Variants in ACTR3C observed in about 807,000 individuals in gnomAD.
ACTR3C encodes the protein actin-related protein 3C.
A neutral mutation model predicts 26.3 loss-of-function variants in ACTR3C; 18 were observed. That is an observed-to-expected ratio of 0.68 (90% CI 0.47 to 1.01). The LOEUF is 1.01. Among genes scored for constraint, ACTR3C ranks in the 50% least tolerant of loss-of-function variants. The probability of loss-of-function intolerance (pLI) is 0.00; values close to 1 mark genes in which losing one functional copy is unlikely to be tolerated. For missense variants in ACTR3C, 184 were observed against 250.7 expected (o/e 0.73, Z 1.80); for synonymous variants, 55 against 94.5 (o/e 0.58, Z 2.42).
the ACTR3C span, among the ~76,000 whole-genome samples, chr7:150,023,312 T>TACATACAC: frequency 6.5e-5 from 1 of 15,272 alleles, no homozygotes; most frequent in Non-Finnish European, 2.1e-4. Context: ...GATAGATAGA[T>TACATACAC]AGATACATAC....
At chr7:149,888,239 T>C in the ACTR3C span, among the ~76,000 whole-genome samples, 1 of 152,248 alleles carries the variant, frequency 6.6e-6, no homozygotes, top group Admixed American at 6.5e-5. Flanking sequence ...GACCCCTGTG[T>C]TACTTCCAGA....
At chr7:149,988,597 T>A in the ACTR3C span, among the ~76,000 whole-genome samples, 1 of 152,190 alleles carries the variant, frequency 6.6e-6, no homozygotes, top group South Asian at 2.1e-4. Flanking sequence ...GTTGGGCCAC[T>A]TAGCAAATTG....
the ACTR3C span, among the ~76,000 whole-genome samples, chr7:149,960,019 C>CTTGGA: frequency 1.3e-5 from 2 of 151,416 alleles, no homozygotes; most frequent in Non-Finnish European, 2.9e-5. Flanking sequence ...CAATATGGCA[C>CTTGGA]TTGCAGCCAT....
the ACTR3C span, among the ~76,000 whole-genome samples, chr7:150,033,451 C>A: frequency 6.6e-6 from 1 of 152,234 alleles, no homozygotes; most frequent in East Asian, 1.9e-4. Flanking sequence ...GACTCTCATG[C>A]ACCTGCCGTC....
the ACTR3C span, among the ~76,000 whole-genome samples, chr7:149,972,890 G>A: frequency 8.7e-4 from 127 of 146,550 alleles, no homozygotes; most frequent in African/African-American, 3.1e-3. Flanking sequence ...CCCCGTGCGT[G>A]GGCGGCATGT....
At chr7:149,975,043 C>T in the ACTR3C span, among the ~76,000 whole-genome samples, 3 of 152,116 alleles carry the variant, frequency 2.0e-5, no homozygotes, top group Non-Finnish European at 4.4e-5. Flanking sequence ...ACATTAGAAG[C>T]GAGGTATATT....
chr7:150,046,781 C>T, the ACTR3C span, among the ~76,000 whole-genome samples: 2 of 144,724 alleles, frequency 1.4e-5, no homozygotes, highest in African/African-American at 5.2e-5. Flanking sequence ...ATCTAAGGTC[C>T]GGCTCCTGTC....
chr7:150,046,099 C>A, the ACTR3C span, among the ~76,000 whole-genome samples: 28 of 152,166 alleles, frequency 1.8e-4, no homozygotes, highest in Admixed American at 1.8e-3. Flanking sequence ...ACTATTGAAC[C>A]AGGGGAGTCT....
intron 1 of ACTR3C, among the ~76,000 whole-genome samples, chr7:150,318,594 T>C (rs571658930): frequency 6.6e-6 from 1 of 152,320 alleles, no homozygotes; most frequent in African/African-American, 2.4e-5. Context: ...AAATCCCATC[T>C]GTACTAAAAA....
the ACTR3C span, among the ~76,000 whole-genome samples, chr7:149,903,981 C>T: frequency 8.9e-5 from 10 of 112,172 alleles, no homozygotes; most frequent in African/African-American, 2.3e-4. Flanking sequence ...AGTGCGGTGA[C>T]GCAATCTCAG....
At chr7:150,041,673 G>T in the ACTR3C span, among the ~76,000 whole-genome samples, 5 of 141,594 alleles carry the variant, frequency 3.5e-5, no homozygotes, top group East Asian at 2.3e-4. Flanking sequence ...ACAGCCGGGG[G>T]TGGAAGAGGG....
the ACTR3C span, among the ~76,000 whole-genome samples, chr7:150,128,422 C>T: frequency 2.0e-5 from 3 of 152,088 alleles, no homozygotes; most frequent in South Asian, 2.1e-4. Context: ...AATAGGTTCA[C>T]GTTAGTTTCC....
At chr7:150,093,358 T>G in the ACTR3C span, among the ~76,000 whole-genome samples, 1 of 151,280 alleles carries the variant, frequency 6.6e-6, no homozygotes, top group Non-Finnish European at 1.5e-5. Flanking sequence ...AAAAATTAAT[T>G]CACTTTAAAA....
chr7:150,163,085 C>T, the ACTR3C span, among the ~76,000 whole-genome samples: 9 of 150,756 alleles, frequency 6.0e-5, no homozygotes, highest in South Asian at 2.1e-4. Flanking sequence ...AATAGGGAGG[C>T]GGAGGTTGCA....
chr7:150,301,547 A>C (rs1201723957), intron 1 of ACTR3C, among the ~76,000 whole-genome samples: 3 of 152,206 alleles, frequency 2.0e-5, no homozygotes, highest in Admixed American at 6.5e-5. Context: ...AAATGAAATA[A>C]CCAAAAGAGA....
At chr7:150,245,575 C>G (rs1300082648), downstream of ACTR3C, 1 of 152,246 alleles carries the variant, frequency 6.6e-6, no homozygotes, top group East Asian at 1.9e-4. Flanking sequence ...TGGCTCTATC[C>G]AACTGCAGGA....
At chr7:150,258,227 C>T (rs2129609801) in intron 6 of ACTR3C, among the ~76,000 whole-genome samples, 1 of 149,244 alleles carries the variant, frequency 6.7e-6, no homozygotes, top group South Asian at 2.3e-4. Context: ...TCAGAATCCA[C>T]TGGCATTATT....
At chr7:150,302,781 A>G (rs1795529139) in intron 1 of ACTR3C, 1 of 151,982 alleles carries the variant, frequency 6.6e-6, no homozygotes, top group South Asian at 2.1e-4. Context: ...GGGCAAGATC[A>G]CACAAACTCC....
the ACTR3C span, among the ~76,000 whole-genome samples, chr7:149,993,033 CA>C: frequency 6.6e-6 from 1 of 151,302 alleles, no homozygotes; most frequent in African/African-American, 2.4e-5. Flanking sequence ...GCATCCAGCA[CA>C]GGATAAAGCA....
Sources: allele counts gnomAD v4.1 joint callset (sites outside exome capture counted in the v4.1 genomes callset), GRCh38; gene constraint gnomAD v4.1.1; transcripts MANE v1.5; gene names NCBI Gene and HGNC (gene_info 2026-07-23, HGNC 2026-07-21).